HDAC6: variants seen among roughly 807,000 people sequenced by gnomAD.
The protein encoded by HDAC6 is histone deacetylase 6.
HDAC6 carries 5 observed loss-of-function variants against 88.9 expected under a neutral mutation model. The observed-to-expected ratio is 0.06, with a 90% CI of 0.03 to 0.12. The LOEUF (loss-of-function observed/expected upper bound fraction) is 0.12. Among genes scored for constraint, HDAC6 ranks in the 10% least tolerant of loss-of-function variants. The pLI is 1.00. For synonymous variants in HDAC6, 378 were observed against 398.0 expected (o/e 0.95, Z 0.60); for missense variants, 706 against 1,014.4 (o/e 0.70, Z 4.13).
chrX:48,812,207 CTG>C (rs1213048421), intron 10 of HDAC6, among the ~76,000 whole-genome samples: 2 of 112,461 alleles, frequency 1.8e-5, no homozygotes, highest in African/African-American at 3.2e-5. Context: ...ATGTGAAACA[CTG>C]TGAATATATT....
intron 22 of HDAC6, among the ~76,000 whole-genome samples, chrX:48,818,807 A>T (rs1368172613): frequency 8.9e-6 from 1 of 112,152 alleles, no homozygotes; most frequent in Non-Finnish European, 1.9e-5. Context: ...TGGGTGTGAT[A>T]CTGTATGTCA....
chrX:48,824,104 G>T, intron 27 of HDAC6, 36 bp downstream of exon 27: 2 of 1,205,009 alleles, frequency 1.7e-6, no homozygotes, highest in Non-Finnish European at 2.2e-6. Flanking sequence ...GCGGAGGTTG[G>T]CCCGGGAGCA....
In HDAC6 at chrX:48,824,523, C is replaced by G. The variant is rs898244214; in HGVS notation, c.3580-21C>G. ...GGGTCCTCACTCTCTCTCACCTGCCCTATTCTTGCCTCCTCCTCAGGCTCT... is the reference window on the plus strand; with the variant it reads ...GGGTCCTCACTCTCTCTCACCTGCCGTATTCTTGCCTCCTCCTCAGGCTCT... On this transcript the variant is annotated intron_variant, in intron 28 of 28. Coordinates refer to ENST00000334136, the MANE Select transcript of HDAC6 (RefSeq NM_006044.4). 3.3e-6 allele frequency: 4 copies of G among 1,194,449 alleles called. No homozygotes were observed. In the African/African-American group the frequency reaches 5.3e-5, roughly 16 times the overall value.
chrX:48,802,028 C>T (rs17281216), upstream of HDAC6: 20,430 of 938,059 alleles, frequency 0.022, 152 homozygotes, highest in Middle Eastern at 0.039. Context: ...AGAGGGTTAG[C>T]GAAACGTTAG....
upstream of HDAC6, chrX:48,801,571 A>C (rs933590178): frequency 9.8e-6 from 2 of 203,693 alleles, no homozygotes; most frequent in African/African-American, 6.3e-5. Context: ...TAGCCGAGGC[A>C]AGAAAAAGCT....
In HDAC6 at chrX:48,823,800, A is replaced by C; in HGVS notation, c.3303+15A>C. On this transcript the variant is annotated intron_variant, in intron 26 of 28. Coordinates refer to ENST00000334136, the MANE Select transcript of HDAC6 (RefSeq NM_006044.4). The stretch of plus-strand genomic sequence containing the variant: ...TCACTGATCAGGTGAGCTCAGGGAG[A>C]GGCTGGGACTGTGGCTTCCTTCTCT... 8.4e-7 allele frequency: 1 copy of C among 1,192,449 alleles called. No homozygotes were observed. Among genetic ancestry groups the C allele is most frequent in the South Asian group, 1.8e-5 (1 of 56,265 alleles).
rs782125114 is a variant in HDAC6, at chrX:48,802,875, G to A, written c.98G>A (p.Arg33Gln). Residue 33 changes from arginine to glutamine, a missense_variant, in exon 3 of 29, where the codon CGA becomes CAA. Physicochemically the swap from Arg to Gln is conservative, Grantham distance 43. Transcript: ENST00000334136. Reference sequence around the variant, plus strand: ...ACCCTTCTCTCTGATTCACAGAAGCGAAATATTAAAAAGGGAGCCGTTCCC... The same window carrying A: ...ACCCTTCTCTCTGATTCACAGAAGCAAAATATTAAAAAGGGAGCCGTTCCC... ...PPQDSSVTSK[R>Q]NIKKGAVPRS... 8.3e-7 allele frequency: 1 copy of A among 1,208,185 alleles called. No individual in the cohort carries two copies. Among genetic ancestry groups the A allele is most frequent in the South Asian group, 1.8e-5 (1 of 56,252 alleles).
At chrX:48,818,567 G>T (rs781801368) in intron 22 of HDAC6, among the ~76,000 whole-genome samples, 155 bp downstream of exon 22, 1 of 112,484 alleles carries the variant, frequency 8.9e-6, no homozygotes, top group Admixed American at 9.4e-5. Context: ...GCAGTTGGTG[G>T]CTGTGATCAC....
chrX:48,816,281 G>C lies in HDAC6; in HGVS notation c.1622+12G>C. Reference sequence around the variant, plus strand: ...CTCACCTGTCACAGGTCAGACCCCGGTGCCTGGGGTGGGTGGATTCCCAGG... The same window carrying C: ...CTCACCTGTCACAGGTCAGACCCCGCTGCCTGGGGTGGGTGGATTCCCAGG... On this transcript the variant is annotated intron_variant, in intron 18 of 28. Transcript: ENST00000334136. 8.3e-7 allele frequency: 1 copy of C among 1,203,012 alleles called. No individual in the cohort carries two copies. Among genetic ancestry groups the C allele is most frequent in the Non-Finnish European group, 1.1e-6 (1 of 890,237 alleles).
Position 48,824,614 on chromosome X carries a change from C to T in HDAC6, c.*2C>T. 1 of 1,209,200 alleles carries T rather than the reference C, an allele frequency of 8.3e-7. No homozygotes were observed. The highest frequency in any genetic ancestry group is 1.1e-6 in the Non-Finnish European group (1 of 893,933). ...GAGGATATGCCCCACCCACACTAAGCCCCAGAATACGGTCCCTCTTCACCT... is the reference window on the plus strand; with the variant it reads ...GAGGATATGCCCCACCCACACTAAGTCCCAGAATACGGTCCCTCTTCACCT... On this transcript the variant is annotated 3_prime_UTR_variant, in exon 29 of 29. Transcript: ENST00000334136.
intron 23 of HDAC6, among the ~76,000 whole-genome samples, chrX:48,820,854 T>C (rs1418385756): frequency 1.8e-5 from 2 of 111,642 alleles, no homozygotes; most frequent in Non-Finnish European, 3.8e-5. Context: ...TTGTTGTTTG[T>C]GAGACAAGAG....
intron 23 of HDAC6, 99 bp from the exon 24 acceptor site, chrX:48,822,521 A>C: frequency 3.1e-6 from 2 of 646,158 alleles, no homozygotes; most frequent in Non-Finnish European, 4.6e-6. Context: ...CCAGACTTGC[A>C]GGGCTCAGTA....
intron 20 of HDAC6, 104 bp from the exon 21 acceptor site, chrX:48,817,937 C>T: frequency 2.8e-6 from 2 of 722,914 alleles, no homozygotes; most frequent in Non-Finnish European, 4.2e-6. Flanking sequence ...GACCCAGGGT[C>T]CTGCCACTCA....
chrX:48,817,337 T>C lies in HDAC6; in HGVS notation c.1803T>C (p.Gly601=). ...EAVLSGEVLN[G]AAVVRPPGHH... is the part of the protein sequence containing the mutation. Reference sequence around the variant, plus strand: ...CTGCTGCTTCCCAGGTTCTGAATGGTGCTGCTGTGGTGCGTCCCCCAGGAC... The same window carrying C: ...CTGCTGCTTCCCAGGTTCTGAATGGCGCTGCTGTGGTGCGTCCCCCAGGAC... The change falls in exon 20 of 29, where the codon GGT becomes GGC. Residue 601 remains glycine, a synonymous_variant. Transcript: ENST00000334136. The C allele has an allele frequency of 1.7e-6, 2 of 1,206,735 alleles. No homozygotes were observed. The highest frequency in any genetic ancestry group is 2.2e-6 in the Non-Finnish European group (2 of 893,347).
At position 48,823,698 on chromosome X, in the gene HDAC6, AGAG is replaced by A; in HGVS notation, c.3220_3222del (p.Glu1074del). ...GGGCCTCAGAATCTCAGGCCCCAGG[AGAG>A]GAGAACCTACTAGGAGAGGCAGCTG... is the stretch of plus-strand genomic sequence containing the variant. On this transcript the variant is annotated inframe_deletion, in exon 26 of 29. Coordinates refer to ENST00000334136, the MANE Select transcript of HDAC6 (RefSeq NM_006044.4). 8.3e-7 allele frequency: 1 copy of A among 1,209,168 alleles called. No homozygotes were observed. The highest frequency in any genetic ancestry group is 1.1e-6 in the Non-Finnish European group (1 of 893,969).
intron 10 of HDAC6, among the ~76,000 whole-genome samples, chrX:48,811,817 C>T (rs782315110): frequency 1.8e-5 from 2 of 111,500 alleles, no homozygotes; most frequent in East Asian, 2.8e-4. Context: ...TGTTTTCCTC[C>T]GACGTTCTTT....
intron 10 of HDAC6, among the ~76,000 whole-genome samples, chrX:48,812,846 T>G (rs1439580089): frequency 3.6e-5 from 4 of 112,030 alleles, no homozygotes; most frequent in African/African-American, 1.3e-4. Flanking sequence ...TGGCTCTCTT[T>G]TAGAGTCAGC....
At chrX:48,812,752 G>A (rs1557026148) in intron 10 of HDAC6, among the ~76,000 whole-genome samples, 1 of 112,086 alleles carries the variant, frequency 8.9e-6, no homozygotes, top group Non-Finnish European at 1.9e-5. Context: ...TTAACTTGAA[G>A]GTGGTTGAAC....
chrX:48,824,118 T>C, intron 27 of HDAC6, 48 bp from the exon 28 acceptor site: 1 of 1,204,981 alleles, frequency 8.3e-7, no homozygotes, highest in Non-Finnish European at 1.1e-6. Flanking sequence ...GGGAGCAAAC[T>C]GCAGGGGGAT....
Sources: allele counts gnomAD v4.1 joint callset (sites outside exome capture counted in the v4.1 genomes callset), GRCh38; gene constraint gnomAD v4.1.1; transcripts MANE v1.5; gene names NCBI Gene and HGNC (gene_info 2026-07-23, HGNC 2026-07-21).